CLCN3: variants seen among roughly 807,000 people sequenced by gnomAD.
CLCN3 encodes the protein Cl-/H+ antiporter 3, also known as H(+)/Cl(-) exchange transporter 3.
Under a neutral mutation model 83.4 loss-of-function variants are expected in CLCN3, and 16 were observed. That is an observed-to-expected ratio of 0.19 (90% CI 0.13 to 0.29). CLCN3 has a LOEUF of 0.29. Ranked by LOEUF, CLCN3 falls within the 10% of genes least tolerant of loss-of-function variation. The pLI is 1.00. For missense variants in CLCN3, 544 were observed against 1,006.0 expected (o/e 0.54, Z 6.21); for synonymous variants, 322 against 346.2 (o/e 0.93, Z 0.78).
intron 2 of CLCN3, among the ~76,000 whole-genome samples, chr4:169,662,462 G>A (rs1731091151): frequency 6.6e-6 from 1 of 152,084 alleles, no homozygotes; most frequent in African/African-American, 2.4e-5. Flanking sequence ...GTAGCCATGG[G>A]TCAACACAAT....
chr4:169,713,619 G>T (rs1399190279), intron 12 of CLCN3, among the ~76,000 whole-genome samples: 1 of 152,116 alleles, frequency 6.6e-6, no homozygotes, highest in Non-Finnish European at 1.5e-5. Flanking sequence ...GACCTAACCT[G>T]CATGGAGCAC....
chr4:169,621,310 GGAGAA>G (rs1209047912), intron 1 of CLCN3, among the ~76,000 whole-genome samples: 1 of 152,138 alleles, frequency 6.6e-6, no homozygotes, highest in African/African-American at 2.4e-5. Flanking sequence ...GTGGGTTCCA[GGAGAA>G]GATTAACTTT....
intron 2 of CLCN3, among the ~76,000 whole-genome samples, chr4:169,642,136 G>A (rs1730431963): frequency 6.6e-6 from 1 of 151,420 alleles, no homozygotes; most frequent in Admixed American, 6.6e-5. Context: ...ATCTCACTAT[G>A]TTGACCAGGC....
chr4:169,692,823 A>C (rs150430964), intron 7 of CLCN3, among the ~76,000 whole-genome samples: 107 of 152,340 alleles, frequency 7.0e-4, no homozygotes, highest in African/African-American at 2.4e-3. Context: ...AATTCACATT[A>C]AAGAGATTAC....
At chr4:169,636,814 A>T (rs1773516546) in intron 2 of CLCN3, among the ~76,000 whole-genome samples, 1 of 149,606 alleles carries the variant, frequency 6.7e-6, no homozygotes, top group African/African-American at 2.5e-5. Context: ...TTTAGTGCAC[A>T]TTATGTACAC....
At chr4:169,660,301 T>A in intron 2 of CLCN3, 3 of 1,326,920 alleles carry the variant, frequency 2.3e-6, no homozygotes, top group Non-Finnish European at 2.9e-6. Context: ...ATGGAAGAAA[T>A]GTCACTTTCT....
At position 169,713,117 on chromosome 4, in the gene CLCN3, T is replaced by C; in HGVS notation, c.2188T>C (p.Ser730Pro). The change falls in exon 12 of 13, where the codon TCT (serine) becomes CCT (proline). Residue 730 changes from serine to proline, a missense_variant. This residue lies in a region of CLCN3 where 142 missense variants were observed against 225.0 expected (regional missense o/e 0.63). Transcript: ENST00000513761. Reference sequence around the variant, plus strand: ...AAAACAAGAAGGTATCGTTGGCAGTTCTCGGGTGTGTTTTGCACAGCACAC... The same window carrying C: ...AAAACAAGAAGGTATCGTTGGCAGTCCTCGGGTGTGTTTTGCACAGCACAC... ...RKKQEGIVGS[S>P]RVCFAQHTPS... The C allele has an allele frequency of 6.2e-7, 1 of 1,614,220 alleles. No individual in the cohort carries two copies. Among genetic ancestry groups the C allele is most frequent in the Non-Finnish European group, 8.5e-7 (1 of 1,180,038 alleles).
chr4:169,628,036 C>T (rs972782008), intron 1 of CLCN3, among the ~76,000 whole-genome samples: 35 of 152,244 alleles, frequency 2.3e-4, no homozygotes, highest in African/African-American at 8.4e-4. Flanking sequence ...GAAAACAGTT[C>T]AACGGAGGTA....
At position 169,697,537 on chromosome 4, in the gene CLCN3, A is replaced by G; in HGVS notation, c.1366A>G (p.Ile456Val). The G allele has an allele frequency of 6.2e-7, 1 of 1,614,218 alleles. No individual in the cohort carries two copies. Among genetic ancestry groups the G allele is most frequent in the Non-Finnish European group, 8.5e-7 (1 of 1,180,036 alleles). Residue 456 changes from isoleucine to valine, a missense_variant, in exon 9 of 13, where the codon ATC becomes GTC. Physicochemically the swap from Ile to Val is conservative, Grantham distance 29. Coordinates refer to ENST00000513761, the MANE Select transcript of CLCN3 (RefSeq NM_001829.4). Reference protein sequence around the residue: ...PYTRLNTSELIKELFTDCGPL... With the variant: ...PYTRLNTSELVKELFTDCGPL... Reference sequence around the variant, plus strand: ...CACTAGGCTAAACACCAGTGAACTGATCAAAGAGCTTTTTACAGACTGTGG... The same window carrying G: ...CACTAGGCTAAACACCAGTGAACTGGTCAAAGAGCTTTTTACAGACTGTGG...
chr4:169,692,396 T>C, intron 7 of CLCN3, 76 bp downstream of exon 7: 6 of 644,614 alleles, frequency 9.3e-6, no homozygotes, highest in Non-Finnish European at 1.4e-5. Flanking sequence ...AATTTCTTAG[T>C]GTAAAAATAA....
At chr4:169,674,864 C>T (rs1470083022) in intron 2 of CLCN3, among the ~76,000 whole-genome samples, 1 of 152,150 alleles carries the variant, frequency 6.6e-6, no homozygotes, top group African/African-American at 2.4e-5. Flanking sequence ...AGTCCTTCCA[C>T]TTCAGCCTCC....
chr4:169,705,732 A>G (rs936696974), intron 10 of CLCN3, among the ~76,000 whole-genome samples: 8 of 152,200 alleles, frequency 5.3e-5, no homozygotes, highest in African/African-American at 1.9e-4. Context: ...TTAATACAGT[A>G]TGAACTGACG....
chr4:169,646,728 C>T (rs1219941086), intron 2 of CLCN3, among the ~76,000 whole-genome samples: 2 of 152,060 alleles, frequency 1.3e-5, no homozygotes, highest in Non-Finnish European at 2.9e-5. Context: ...CATAAGGGCC[C>T]ACCAAAATGG....
intron 7 of CLCN3, among the ~76,000 whole-genome samples, chr4:169,694,821 A>G (rs1314974552): frequency 6.6e-6 from 1 of 152,170 alleles, no homozygotes; most frequent in South Asian, 2.1e-4. Context: ...CCTGAGAAAC[A>G]AGAGAGAAAC....
chr4:169,685,719 T>C (rs1732128385), intron 3 of CLCN3, among the ~76,000 whole-genome samples: 1 of 152,218 alleles, frequency 6.6e-6, no homozygotes, highest in Admixed American at 6.5e-5. Context: ...CTGACTATGA[T>C]GCTGTGCAAG....
intron 2 of CLCN3, among the ~76,000 whole-genome samples, chr4:169,668,691 C>G (rs1012510824): frequency 1.1e-4 from 17 of 150,812 alleles, no homozygotes; most frequent in African/African-American, 4.1e-4. Context: ...GAATAGTAGT[C>G]ACTGGCATCC....
intron 4 of CLCN3, 138 bp downstream of exon 4, chr4:169,687,895 A>G (rs1332316804): frequency 1.9e-6 from 1 of 531,734 alleles, no homozygotes; most frequent in South Asian, 2.8e-5. Flanking sequence ...ATCTCCTTAA[A>G]TATAAGACTA....
At chr4:169,670,274 G>A (rs530913791) in intron 2 of CLCN3, among the ~76,000 whole-genome samples, 25 of 152,242 alleles carry the variant, frequency 1.6e-4, no homozygotes, top group African/African-American at 4.6e-4. Context: ...TCGATCTTGA[G>A]TTAATTTTTG....
intron 3 of CLCN3, 192 bp downstream of exon 3, chr4:169,680,399 T>C: frequency 2.2e-6 from 1 of 455,670 alleles, no homozygotes; most frequent in South Asian, 4.8e-5. Flanking sequence ...CCCTGTAACT[T>C]TCCAGAAAGG....
Sources: allele counts gnomAD v4.1 joint callset (sites outside exome capture counted in the v4.1 genomes callset), GRCh38; gene constraint gnomAD v4.1.1; regional missense constraint gnomAD v4.1.1; transcripts MANE v1.5; gene names NCBI Gene and HGNC (gene_info 2026-07-23, HGNC 2026-07-21).